PRKAR2A: variants seen among roughly 807,000 people sequenced by gnomAD.
PRKAR2A encodes protein kinase cAMP-dependent type II regulatory subunit alpha, also known as cAMP-dependent protein kinase type II-alpha regulatory subunit.
PRKAR2A carries 29 observed loss-of-function variants against 51.9 expected under a neutral mutation model. The ratio of observed to expected loss-of-function variants is 0.56; its 90% CI spans 0.42 to 0.76. The LOEUF is 0.76. Among genes scored for constraint, PRKAR2A ranks in the 30% least tolerant of loss-of-function variants. The probability of loss-of-function intolerance (pLI) is 0.00; values close to 1 mark genes in which losing one functional copy is unlikely to be tolerated. For missense variants in PRKAR2A, 445 were observed against 512.1 expected (o/e 0.87, Z 1.26); for synonymous variants, 178 against 186.2 (o/e 0.96, Z 0.36).
chr3:48,756,293 T>C, intron 9 of PRKAR2A, 86 bp downstream of exon 9: 1 of 1,156,716 alleles, frequency 8.6e-7, no homozygotes, highest in South Asian at 1.2e-5. Context: ...CAATGATGGT[T>C]TGGTGTATTC....
At chr3:48,824,482 T>C (rs1238909198) in intron 1 of PRKAR2A, among the ~76,000 whole-genome samples, 1 of 150,560 alleles carries the variant, frequency 6.6e-6, no homozygotes, top group South Asian at 2.1e-4. Context: ...ATCATTCATA[T>C]CCCAAACCTC....
At chr3:48,785,379 G>C (rs1262912398) in intron 4 of PRKAR2A, among the ~76,000 whole-genome samples, 3 of 151,608 alleles carry the variant, frequency 2.0e-5, no homozygotes, top group African/African-American at 7.3e-5. Context: ...TCCTGCCTCA[G>C]CCTGCTGAGT....
intron 5 of PRKAR2A, among the ~76,000 whole-genome samples, chr3:48,775,167 G>A (rs1414708071): frequency 2.0e-5 from 3 of 152,032 alleles, no homozygotes; most frequent in Admixed American, 2.0e-4. Context: ...GGTCGGGCAC[G>A]GTGGCTCAAG....
chr3:48,828,015 G>A (rs1398843174), intron 1 of PRKAR2A, among the ~76,000 whole-genome samples: 2 of 151,762 alleles, frequency 1.3e-5, no homozygotes, highest in Admixed American at 6.6e-5. Context: ...ACAGACGCCC[G>A]CCACCACACC....
chr3:48,772,827 A>C, intron 6 of PRKAR2A, 128 bp downstream of exon 6: 21 of 969,636 alleles, frequency 2.2e-5, no homozygotes, highest in Non-Finnish European at 2.9e-5. Context: ...ATTTTTTAGT[A>C]GAGATGGGGT....
chr3:48,769,001 G>A (rs1243338258), intron 6 of PRKAR2A, among the ~76,000 whole-genome samples: 1 of 151,472 alleles, frequency 6.6e-6, no homozygotes, highest in East Asian at 2.0e-4. Flanking sequence ...GCAGGAGGCT[G>A]AGGCAGGAGA....
chr3:48,834,726 GAAAA>G (rs567543851), intron 1 of PRKAR2A, among the ~76,000 whole-genome samples: 1 of 49,700 alleles, frequency 2.0e-5, no homozygotes, highest in Non-Finnish European at 4.5e-5. Context: ...CCTGTCTCAA[GAAAA>G]AAAAAAAAAA....
intron 10 of PRKAR2A, 123 bp from the exon 11 acceptor site, chr3:48,751,841 A>G: frequency 8.7e-7 from 1 of 1,146,858 alleles, no homozygotes; most frequent in South Asian, 1.6e-5. Context: ...AGCCACTTGC[A>G]AAAAGGGATG....
chr3:48,768,203 AG>A (rs1256282375), intron 6 of PRKAR2A, among the ~76,000 whole-genome samples: 1 of 151,804 alleles, frequency 6.6e-6, no homozygotes, highest in Admixed American at 6.6e-5. Context: ...CAGAGGTGGG[AG>A]GATTGCTTGA....
intron 1 of PRKAR2A, among the ~76,000 whole-genome samples, chr3:48,814,859 T>C: frequency 6.6e-6 from 1 of 152,166 alleles, no homozygotes; most frequent in East Asian, 1.9e-4. Context: ...TTCAACAGAT[T>C]TTTCAGGATA....
At chr3:48,782,897 G>A in intron 5 of PRKAR2A, 89 bp downstream of exon 5, 1 of 963,268 alleles carries the variant, frequency 1.0e-6, no homozygotes, top group Non-Finnish European at 1.6e-6. Flanking sequence ...TAGCCTCTCT[G>A]GGCTGAATAC....
At chr3:48,797,497 T>C (rs565204007) in intron 2 of PRKAR2A, among the ~76,000 whole-genome samples, 23 of 152,272 alleles carry the variant, frequency 1.5e-4, no homozygotes, top group Middle Eastern at 3.4e-3. Context: ...CCAGCTTCCC[T>C]TTCCTCATCG....
chr3:48,779,774 C>T (rs1166106881), intron 5 of PRKAR2A, among the ~76,000 whole-genome samples: 5 of 131,908 alleles, frequency 3.8e-5, no homozygotes, highest in African/African-American at 1.1e-4. Context: ...AGCAAGACTC[C>T]GTCTCAAAAT....
At chr3:48,745,372 G>A (rs2081552774), downstream of PRKAR2A, among the ~76,000 whole-genome samples, 1 of 152,026 alleles carries the variant, frequency 6.6e-6, no homozygotes, top group South Asian at 2.1e-4. Context: ...TTCCTGGCAA[G>A]GGATATACAG....
intron 9 of PRKAR2A, among the ~76,000 whole-genome samples, chr3:48,756,023 G>A (rs933034246): frequency 5.3e-5 from 8 of 151,818 alleles, no homozygotes; most frequent in Non-Finnish European, 8.8e-5. Flanking sequence ...CTTGTGATCC[G>A]CCCGCCTTGC....
At chr3:48,774,702 C>T (rs1333418488) in intron 5 of PRKAR2A, among the ~76,000 whole-genome samples, 1 of 152,106 alleles carries the variant, frequency 6.6e-6, no homozygotes, top group East Asian at 1.9e-4. Context: ...CTGTGCCTAT[C>T]TTATTTACCT....
chr3:48,844,740 A>C (rs887669192), intron 1 of PRKAR2A, among the ~76,000 whole-genome samples: 9 of 150,952 alleles, frequency 6.0e-5, no homozygotes, highest in Admixed American at 5.3e-4. Flanking sequence ...CGCAAGGACA[A>C]AAAACCAAAC....
At chr3:48,754,809 A>G (rs559180646) in intron 9 of PRKAR2A, among the ~76,000 whole-genome samples, 36 of 151,276 alleles carry the variant, frequency 2.4e-4, no homozygotes, top group Non-Finnish European at 1.6e-4. Context: ...TCAGCTACTC[A>G]GTAGGGTGAG....
intron 1 of PRKAR2A, among the ~76,000 whole-genome samples, chr3:48,832,310 A>C (rs1005383704): frequency 7.3e-5 from 11 of 149,936 alleles, no homozygotes; most frequent in African/African-American, 1.2e-4. Context: ...AAAAAAAAAA[A>C]CAAAAAAAAA....
Sources: allele counts gnomAD v4.1 joint callset (sites outside exome capture counted in the v4.1 genomes callset), GRCh38; gene constraint gnomAD v4.1.1; transcripts MANE v1.5; gene names NCBI Gene and HGNC (gene_info 2026-07-23, HGNC 2026-07-21).